NCAM1: variants seen among roughly 807,000 people sequenced by gnomAD.
NCAM1 encodes the protein antigen recognized by monoclonal antibody 5.1H11.
In NCAM1, 14 loss-of-function variants were observed where a neutral mutation model predicts 109.8. That is an observed-to-expected ratio of 0.13 (90% CI 0.08 to 0.20). The LOEUF is 0.20. NCAM1 is among the 10% of genes least tolerant of loss of function. The pLI is 1.00. For missense variants in NCAM1, 774 were observed against 1,109.9 expected (o/e 0.70, Z 4.30); for synonymous variants, 418 against 442.9 (o/e 0.94, Z 0.70).
intron 1 of NCAM1, among the ~76,000 whole-genome samples, chr11:113,083,699 A>G (rs1024836028): frequency 6.6e-6 from 1 of 152,220 alleles, no homozygotes; most frequent in East Asian, 1.9e-4. Context: ...GTTAAAATGC[A>G]GATTCTGCAA....
At chr11:113,211,141 G>C (rs1473439334) in intron 7 of NCAM1, among the ~76,000 whole-genome samples, 3 of 152,144 alleles carry the variant, frequency 2.0e-5, no homozygotes, top group Non-Finnish European at 4.4e-5. Context: ...CCTGGGGAGG[G>C]ACCAGCTGAT....
intron 1 of NCAM1, among the ~76,000 whole-genome samples, chr11:113,154,353 G>A (rs551186030): frequency 5.3e-5 from 8 of 152,178 alleles, no homozygotes; most frequent in Non-Finnish European, 1.0e-4. Flanking sequence ...TTTTCAAGAT[G>A]TGAGTCTTGA....
intron 1 of NCAM1, among the ~76,000 whole-genome samples, chr11:113,188,887 C>T (rs1388262158): frequency 2.6e-5 from 4 of 151,932 alleles, no homozygotes; most frequent in African/African-American, 9.7e-5. Flanking sequence ...TTCCCATTGT[C>T]CCACTCACAT....
At chr11:113,144,268 A>G (rs1453634417) in intron 1 of NCAM1, among the ~76,000 whole-genome samples, 1 of 152,194 alleles carries the variant, frequency 6.6e-6, no homozygotes, top group African/African-American at 2.4e-5. Context: ...TCGTGTGATT[A>G]TAACTGGTCT....
At position 113,270,282 on chromosome 11, in the gene NCAM1, C is replaced by T; in HGVS notation, c.2226C>T (p.Thr742=). The stretch of plus-strand genomic sequence containing the variant: ...TGCTCCTGGTGGTTGTGGACATCAC[C>T]TGCTACTTCCTGAACAAGTGTGGCC... ...FVLLLVVVDI[T]CYFLNKCGLF... The change falls in exon 18 of 20, where the codon ACC becomes ACT. Residue 742 remains threonine (T), a synonymous_variant. Coordinates refer to ENST00000316851, the MANE Select transcript of NCAM1 (RefSeq NM_181351.5). 1 of 1,614,068 alleles carries T rather than the reference C, an allele frequency of 6.2e-7. No individual in the cohort carries two copies. Among genetic ancestry groups the T allele is most frequent in the Non-Finnish European group, 8.5e-7 (1 of 1,179,912 alleles).
At chr11:113,179,277 G>A (rs576741837) in intron 1 of NCAM1, among the ~76,000 whole-genome samples, 1 of 152,368 alleles carries the variant, frequency 6.6e-6, no homozygotes, top group Admixed American at 6.5e-5. Context: ...GTATGATTAT[G>A]TGTGTACCCC....
At chr11:113,038,904 T>C (rs1363999872) in intron 1 of NCAM1, among the ~76,000 whole-genome samples, 2 of 152,140 alleles carry the variant, frequency 1.3e-5, no homozygotes, top group African/African-American at 4.8e-5. Flanking sequence ...CGAGTGTTGG[T>C]GTTCCAGGAA....
intron 1 of NCAM1, among the ~76,000 whole-genome samples, chr11:113,129,845 C>T (rs17509332): frequency 0.082 from 12,423 of 152,254 alleles, 655 homozygotes; most frequent in Non-Finnish European, 0.11. Context: ...TTCTTTTCAG[C>T]CCATTGCTAG....
intron 1 of NCAM1, among the ~76,000 whole-genome samples, chr11:113,122,549 C>T (rs544196637): frequency 4.1e-4 from 62 of 152,214 alleles, no homozygotes; most frequent in Non-Finnish European, 7.5e-4. Context: ...TTTGGGAGGC[C>T]GAGGCAGGCG....
Position 113,260,181 on chromosome 11 carries a change from G to A in NCAM1, c.1989G>A (p.Pro663=), listed in dbSNP as rs181774525. ...SSEWKPEIRL[P]SGSDHVMLKS... ...AGTGGAAACCAGAGATCAGGCTCCC[G>A]TCTGGCAGTGACCACGTCATGCTGA... The change falls in exon 17 of 20, where the codon CCG becomes CCA. Residue 663 remains proline, a synonymous_variant. Coordinates refer to ENST00000316851, the MANE Select transcript of NCAM1 (RefSeq NM_181351.5). The A allele has an allele frequency of 5.1e-4, 829 of 1,613,800 alleles. 2 individuals carry two copies. The highest frequency in any genetic ancestry group is 2.0e-3 in the Middle Eastern group (12 of 6,058).
At chr11:113,046,872 G>A (rs1449139792) in intron 1 of NCAM1, among the ~76,000 whole-genome samples, 2 of 65,766 alleles carry the variant, frequency 3.0e-5, no homozygotes, top group Admixed American at 4.0e-4. Context: ...AAGAAAGGAA[G>A]GAAGGAAGGG....
chr11:113,278,409 T>A lies in NCAM1; in HGVS notation c.*3022T>A, dbSNP rs1389485355. On this transcript the variant is annotated 3_prime_UTR_variant, in exon 20 of 20. Coordinates refer to ENST00000316851, the MANE Select transcript of NCAM1 (RefSeq NM_181351.5). ...TTTGCATTCTGTCGGAATACTTGTGTTCAATAAAAATTGAAAGAAAAAAGC... is the reference window on the plus strand; with the variant it reads ...TTTGCATTCTGTCGGAATACTTGTGATCAATAAAAATTGAAAGAAAAAAGC... The A allele has an allele frequency of 6.6e-6, 1 of 152,228 alleles. No individual in the cohort carries two copies. The highest frequency in any genetic ancestry group is 2.4e-5 in the African/African-American group (1 of 41,454). 9.4% of individuals were successfully genotyped at this position (152,228 alleles called of 1,614,324 possible).
intron 1 of NCAM1, among the ~76,000 whole-genome samples, chr11:112,984,332 G>C (rs1400016542): frequency 6.6e-6 from 1 of 151,914 alleles, no homozygotes; most frequent in African/African-American, 2.4e-5. Context: ...TGGCTATTGT[G>C]AATAATGCTT....
At chr11:113,206,829 C>A (rs1944253658) in intron 5 of NCAM1, among the ~76,000 whole-genome samples, 1 of 152,186 alleles carries the variant, frequency 6.6e-6, no homozygotes, top group Non-Finnish European at 1.5e-5. Context: ...ATAGCTGATG[C>A]ATTCGAATTG....
intron 1 of NCAM1, among the ~76,000 whole-genome samples, chr11:113,042,723 T>G (rs1330144655): frequency 6.6e-6 from 1 of 152,174 alleles, no homozygotes; most frequent in Non-Finnish European, 1.5e-5. Context: ...AGCTGTCATT[T>G]GCGAAGGCTT....
chr11:113,233,015 CAGG>C lies in NCAM1; in HGVS notation c.1523-127_1523-125del. The stretch of plus-strand genomic sequence containing the variant: ...GGGAGAAGCATCTGGTGAGATGGGC[CAGG>C]AGGACAGGATACAGTGACAGGATTC... On this transcript the variant is annotated intron_variant, in intron 12 of 19. Transcript: ENST00000316851. This position sits in a 1 kb window ranked among gnomAD's most constrained non-coding sequence, Gnocchi z 4.5. 1 of 1,019,528 alleles carries C rather than the reference CAGG, an allele frequency of 9.8e-7. No individual in the cohort carries two copies. The highest frequency in any genetic ancestry group is 1.4e-6 in the Non-Finnish European group (1 of 693,798). The allele number at this position is 1,019,528 out of a possible 1,614,324, so 63.2% of individuals were successfully genotyped here.
At chr11:113,226,279 C>T (rs912865566) in intron 9 of NCAM1, among the ~76,000 whole-genome samples, 1 of 152,002 alleles carries the variant, frequency 6.6e-6, no homozygotes, top group Non-Finnish European at 1.5e-5. Flanking sequence ...GGGGTTGCAA[C>T]CCTAGTCTCT....
intron 1 of NCAM1, among the ~76,000 whole-genome samples, chr11:113,044,752 T>C (rs1424334639): frequency 6.6e-6 from 1 of 151,870 alleles, no homozygotes; most frequent in Non-Finnish European, 1.5e-5. Context: ...GAGCTTTTTT[T>C]ACTTTTATTT....
At chr11:113,265,720 T>C (rs1555124315) in intron 17 of NCAM1, among the ~76,000 whole-genome samples, 1 of 152,052 alleles carries the variant, frequency 6.6e-6, no homozygotes, top group Non-Finnish European at 1.5e-5. Context: ...GGCTTATGAG[T>C]GAACCAGAAC....
Sources: gnomAD v4.1 joint callset for allele counts (sites outside exome capture counted in the v4.1 genomes callset) on GRCh38, gnomAD v4.1.1 for gene constraint, Gnocchi (gnomAD v3.1) non-coding constraint, MANE v1.5 for transcripts, NCBI Gene and HGNC (gene_info 2026-07-23, HGNC 2026-07-21) for gene names.